FLVCR2: variants seen among roughly 807,000 people sequenced by gnomAD.
FLVCR2 encodes the protein FLVCR choline and putative heme transporter 2, also known as choline/ethanolamine transporter FLVCR2.
FLVCR2 carries 38 observed loss-of-function variants against 48.9 expected under a neutral mutation model. That is an observed-to-expected ratio of 0.78 (90% CI 0.60 to 1.02). The LOEUF is 1.02. Among genes scored for constraint, FLVCR2 ranks in the 50% least tolerant of loss-of-function variants. FLVCR2 has a pLI of 0.00. For synonymous variants in FLVCR2, 255 were observed against 257.0 expected (o/e 0.99, Z 0.07); for missense variants, 664 against 663.3 (o/e 1.00, Z -0.01).
chr14:75,638,057 G>T (rs1890213592), intron 5 of FLVCR2, among the ~76,000 whole-genome samples: 2 of 152,192 alleles, frequency 1.3e-5, no homozygotes, highest in African/African-American at 4.8e-5. Context: ...CATTGGCTTT[G>T]GAAGTCAAGC....
intron 3 of FLVCR2, among the ~76,000 whole-genome samples, chr14:75,628,660 C>G (rs189633538): frequency 4.6e-5 from 7 of 152,180 alleles, no homozygotes; most frequent in Non-Finnish European, 7.3e-5. Flanking sequence ...GTGCTGGACT[C>G]GTAAGTTCAG....
chr14:75,582,822 T>C (rs1466221456), intron 1 of FLVCR2, among the ~76,000 whole-genome samples: 3 of 152,296 alleles, frequency 2.0e-5, no homozygotes, highest in South Asian at 2.1e-4. Context: ...TTAGTCAGGA[T>C]GGTAAAACTA....
chr14:75,646,694 C>T lies in FLVCR2; in HGVS notation c.*222C>T, dbSNP rs760021713. ...CACCAAATGCAAATTTGATTCCCAC[C>T]TCCACCCCCTTTTAGGTTATGGGAG... is the stretch of plus-strand genomic sequence containing the variant. On this transcript the variant is annotated 3_prime_UTR_variant, in exon 10 of 10. Coordinates refer to ENST00000238667, the MANE Select transcript of FLVCR2 (RefSeq NM_017791.3). 2.1e-5 allele frequency: 12 copies of T among 569,502 alleles called. No individual in the cohort carries two copies. The highest frequency in any genetic ancestry group is 3.9e-5 in the Non-Finnish European group (12 of 307,028). 35.3% of individuals were successfully genotyped at this position (569,502 alleles called of 1,614,324 possible). A position where few individuals can be genotyped will look rare whatever the true frequency, so the allele number is the denominator to read the frequency against.
At chr14:75,640,858 C>A in intron 6 of FLVCR2, 97 bp from the exon 7 acceptor site, 1 of 860,946 alleles carries the variant, frequency 1.2e-6, no homozygotes, top group Non-Finnish European at 2.0e-6. Context: ...TGGGAAGAAA[C>A]AAAACAGCAA....
Position 75,579,589 on chromosome 14 carries a change from TC to T in FLVCR2, c.618del (p.Phe206LeufsTer51). 6.2e-7 allele frequency: 1 copy of T among 1,614,116 alleles called. No homozygotes were observed. The highest frequency in any genetic ancestry group is 2.2e-5 in the East Asian group (1 of 44,880). On this transcript the variant is annotated frameshift_variant, in exon 1 of 10. Transcript: ENST00000238667. LOFTEE classifies it high-confidence loss of function. ...GMPSRIASVW[F>X]GANEVSTACS... is the part of the protein sequence containing the mutation. Reference sequence around the variant, plus strand: ...CCCTCCCGCATCGCTTCCGTCTGGTTCGGGGCTAATGAGGTTTCAACAGCCT... The same window carrying T: ...CCCTCCCGCATCGCTTCCGTCTGGTTGGGGCTAATGAGGTTTCAACAGCCT...
chr14:75,591,610 C>G (rs1355815704), intron 1 of FLVCR2, among the ~76,000 whole-genome samples: 1 of 152,160 alleles, frequency 6.6e-6, no homozygotes, highest in Non-Finnish European at 1.5e-5. Flanking sequence ...GTGACTTTAG[C>G]ATTTTGGGGT....
intron 3 of FLVCR2, chr14:75,631,829 T>C (rs977641076): frequency 6.6e-6 from 3 of 455,946 alleles, no homozygotes; most frequent in African/African-American, 4.0e-5. Flanking sequence ...TGGCTGAGTA[T>C]GTACTATGAA....
In FLVCR2 at chr14:75,622,514, A is replaced by G. The variant is rs115277399; in HGVS notation, c.811+294A>G. Among the ~76,000 whole-genome samples the G allele has an allele frequency of 8.3e-3, 1,268 of 152,086 alleles. 21 individuals carry two copies. Among genetic ancestry groups the G allele is most frequent in the African/African-American group, 0.029 (1,202 of 41,472 alleles). On this transcript the variant is annotated intron_variant, in intron 2 of 9. Coordinates refer to ENST00000238667, the MANE Select transcript of FLVCR2 (RefSeq NM_017791.3). ...GTAGAGTGCTAGTCCCCTTGATGAA[A>G]CCCACTGAGCACTTAGGCCATCACA...
chr14:75,601,214 A>C (rs559756347), intron 1 of FLVCR2, among the ~76,000 whole-genome samples: 175 of 152,284 alleles, frequency 1.1e-3, no homozygotes, highest in Non-Finnish European at 2.1e-3. Flanking sequence ...TTTAAGACAC[A>C]GATTGCTCAT....
At chr14:75,586,834 T>C (rs1200987474) in intron 1 of FLVCR2, among the ~76,000 whole-genome samples, 1 of 152,102 alleles carries the variant, frequency 6.6e-6, no homozygotes. Context: ...GACAGTGTGC[T>C]AGGGCTGCAA....
intron 6 of FLVCR2, 113 bp downstream of exon 6, chr14:75,639,575 G>T: frequency 1.3e-6 from 1 of 778,226 alleles, no homozygotes. Context: ...CTGACCTCAG[G>T]AGATATGGAC....
intron 1 of FLVCR2, among the ~76,000 whole-genome samples, chr14:75,593,369 G>A (rs1189209603): frequency 2.0e-5 from 3 of 152,132 alleles, no homozygotes; most frequent in Non-Finnish European, 4.4e-5. Flanking sequence ...GACATTCAAG[G>A]GCGTGCCTGC....
intron 1 of FLVCR2, chr14:75,596,138 T>A: frequency 2.4e-6 from 2 of 842,752 alleles, no homozygotes; most frequent in East Asian, 4.8e-5. Context: ...TATCAATGAC[T>A]GTTTGTTTCC....
In FLVCR2 at chr14:75,578,915, C is replaced by T. The variant is rs993615853; in HGVS notation, c.-58C>T. On this transcript the variant is annotated 5_prime_UTR_variant, in exon 1 of 10. Coordinates refer to ENST00000238667, the MANE Select transcript of FLVCR2 (RefSeq NM_017791.3). ...CTAAGAGACCAGCAGAGGCCACTGT[C>T]CCTTAAGACTGCCGGAGTCCTCACC... 1.7e-5 allele frequency: 25 copies of T among 1,511,064 alleles called. No individual in the cohort carries two copies. Among genetic ancestry groups the T allele is most frequent in the Non-Finnish European group, 1.7e-5 (19 of 1,086,978 alleles). The allele number at this position is 1,511,064 out of a possible 1,614,324, so 93.6% of individuals were successfully genotyped here. A position where few individuals can be genotyped will look rare whatever the true frequency, so the allele number is the denominator to read the frequency against.
At chr14:75,596,989 G>A (rs529679883) in intron 1 of FLVCR2, among the ~76,000 whole-genome samples, 1 of 152,168 alleles carries the variant, frequency 6.6e-6, no homozygotes, top group African/African-American at 2.4e-5. Context: ...AGATTAAATT[G>A]CCAGTTTGAA....
chr14:75,617,016 T>C (rs974340833), intron 1 of FLVCR2, among the ~76,000 whole-genome samples: 1 of 152,180 alleles, frequency 6.6e-6, no homozygotes, highest in African/African-American at 2.4e-5. Flanking sequence ...AGGGCATCTG[T>C]GTGCTAGGGT....
intron 3 of FLVCR2, chr14:75,631,919 T>G (rs772945581): frequency 5.3e-5 from 24 of 448,962 alleles, no homozygotes; most frequent in Non-Finnish European, 8.5e-5. Flanking sequence ...TCAGTTGTAG[T>G]GATGTTTGGG....
At chr14:75,619,059 A>G (rs1889693048) in intron 1 of FLVCR2, among the ~76,000 whole-genome samples, 1 of 152,066 alleles carries the variant, frequency 6.6e-6, no homozygotes, top group Non-Finnish European at 1.5e-5. Context: ...CCCTGTCTCT[A>G]CTAAAAATAC....
chr14:75,616,788 G>A (rs1042887222), intron 1 of FLVCR2, among the ~76,000 whole-genome samples: 1 of 152,250 alleles, frequency 6.6e-6, no homozygotes, highest in Non-Finnish European at 1.5e-5. Flanking sequence ...ACAGGAGCAG[G>A]ATCCACCTTG....
Sources: allele counts gnomAD v4.1 joint callset (sites outside exome capture counted in the v4.1 genomes callset), GRCh38; gene constraint gnomAD v4.1.1; transcripts MANE v1.5; gene names NCBI Gene and HGNC (gene_info 2026-07-23, HGNC 2026-07-21).